L3MBTL2: variants seen among roughly 807,000 people sequenced by gnomAD.
L3MBTL2 encodes L3MBTL histone methyl-lysine binding protein 2, also known as lethal(3)malignant brain tumor-like protein 2.
Under a neutral mutation model 86.4 loss-of-function variants are expected in L3MBTL2, and 49 were observed. That is an observed-to-expected ratio of 0.57 (90% CI 0.45 to 0.72). The LOEUF (loss-of-function observed/expected upper bound fraction) is 0.72, where lower values mean the gene tolerates loss of function less well. Among genes scored for constraint, L3MBTL2 ranks in the 30% least tolerant of loss-of-function variants. The pLI, the probability that L3MBTL2 is intolerant of heterozygous loss-of-function variation, is 0.00. For missense variants in L3MBTL2, 755 were observed against 923.7 expected (o/e 0.82, Z 2.37); for synonymous variants, 336 against 350.6 (o/e 0.96, Z 0.47).
Position 41,227,105 on chromosome 22 carries a change from G to A in L3MBTL2, c.1604G>A (p.Gly535Asp). 1 of 1,612,794 alleles carries A rather than the reference G, an allele frequency of 6.2e-7. No homozygotes were observed. The highest frequency in any genetic ancestry group is 1.7e-5 in the Admixed American group (1 of 59,952). Reference protein sequence around the residue: ...RLFNMDCPNHGFKVGMKLEAV... With the variant: ...RLFNMDCPNHDFKVGMKLEAV... ...CTGCCCCAGGATTGCCCAAACCATG[G>A]CTTCAAGGTGGGCATGAAGCTGGAG... Residue 535 changes from glycine (G) to aspartate (D), a missense_variant, in exon 14 of 17, where the codon GGC becomes GAC. Coordinates refer to ENST00000216237, the MANE Select transcript of L3MBTL2 (RefSeq NM_031488.5). This position sits in a 1 kb window ranked among gnomAD's most constrained non-coding sequence, Gnocchi z 6.0.
At chr22:41,211,701 C>CAT (rs2030838480) in intron 2 of L3MBTL2, among the ~76,000 whole-genome samples, 1 of 148,096 alleles carries the variant, frequency 6.8e-6, no homozygotes, top group African/African-American at 2.5e-5. Context: ...GGACTACAGG[C>CAT]GCCTGCCACC....
In L3MBTL2 at chr22:41,230,655, C is replaced by T. The variant is rs1279171160; in HGVS notation, c.*404C>T. ...AGACAGTGAACTCTGTCTGCCTGAA[C>T]GAGCCATGTAAATTAAGTTCTAGAG... On this transcript the variant is annotated 3_prime_UTR_variant, in exon 17 of 17. Transcript: ENST00000216237. 9 of 199,164 alleles carry T rather than the reference C, an allele frequency of 4.5e-5. No homozygotes were observed. The highest frequency in any genetic ancestry group is 1.0e-4 in the South Asian group (1 of 9,658). 12.3% of individuals were successfully genotyped at this position (199,164 alleles called of 1,614,324 possible).
chr22:41,213,349 G>A (rs2031063526), intron 2 of L3MBTL2, among the ~76,000 whole-genome samples: 1 of 151,938 alleles, frequency 6.6e-6, no homozygotes, highest in South Asian at 2.1e-4. Flanking sequence ...TTTTGAGACA[G>A]TGTCTTACTT....
chr22:41,209,715 C>T lies in L3MBTL2; in HGVS notation c.44C>T (p.Pro15Leu). Residue 15 changes from proline (P) to leucine (L), a missense_variant, in exon 2 of 17, where the codon CCA (proline) becomes CTA (leucine). By Grantham distance (98) the Pro-to-Leu change is moderately conservative (BLOSUM62 -3). Around this residue, in one of 3 missense-constraint regions of L3MBTL2, gnomAD observed 103 missense variants for 105.2 expected, o/e 0.98. Transcript: ENST00000216237. ...CATTAGGAGACCCCATCTTCAGAAC[C>T]AATGGAGGAAGAGGAAGATGACGAC... Reference protein sequence around the residue: ...RSIEETPSSEPMEEEEDDDLE... With the variant: ...RSIEETPSSELMEEEEDDDLE... The T allele has an allele frequency of 1.2e-6, 2 of 1,614,052 alleles. No homozygotes were observed. Among genetic ancestry groups the T allele is most frequent in the Non-Finnish European group, 8.5e-7 (1 of 1,179,980 alleles).
chr22:41,205,829 G>A (rs1472876527), intron 1 of L3MBTL2, among the ~76,000 whole-genome samples: 1 of 152,028 alleles, frequency 6.6e-6, no homozygotes, highest in Non-Finnish European at 1.5e-5. Context: ...TTATTCTTTC[G>A]TCTTTGTCGT....
intron 1 of L3MBTL2, among the ~76,000 whole-genome samples, chr22:41,205,670 C>G (rs546050915): frequency 9.2e-5 from 14 of 152,174 alleles, no homozygotes; most frequent in African/African-American, 3.4e-4. Flanking sequence ...TCTTCCTTAT[C>G]CTGCTTGTCT....
chr22:41,214,872 G>A (rs548529572), intron 3 of L3MBTL2, among the ~76,000 whole-genome samples: 1 of 152,278 alleles, frequency 6.6e-6, no homozygotes, highest in African/African-American at 2.4e-5. Flanking sequence ...TTAGCCAGGC[G>A]TGGTGTTGTA....
chr22:41,208,707 G>C (rs1331574234), intron 1 of L3MBTL2, among the ~76,000 whole-genome samples: 1 of 152,132 alleles, frequency 6.6e-6, no homozygotes, highest in Non-Finnish European at 1.5e-5. Context: ...AATTGTTTCT[G>C]AGTTGAGATC....
rs764069679 is a variant in L3MBTL2 at position 41,205,396 on chromosome 22, C to G, written c.24+10C>G. 4.3e-6 allele frequency: 7 copies of G among 1,614,114 alleles called. No individual in the cohort carries two copies. In the South Asian group the frequency reaches 4.4e-5, roughly 10 times the overall value. ...GCCCCGGAGTATTGAGGTGAGAAGG[C>G]GAGGACTTAGCGTGACTGGGAAAGG... On this transcript the variant is annotated intron_variant, in intron 1 of 16. Transcript: ENST00000216237.
chr22:41,213,544 G>T, intron 2 of L3MBTL2: 1 of 156,040 alleles, frequency 6.4e-6, no homozygotes, highest in East Asian at 1.8e-4. Context: ...CTCCCTCCTT[G>T]GCCTCCCAAA....
intron 8 of L3MBTL2, 106 bp from the exon 9 acceptor site, chr22:41,223,914 T>C (rs1263059398): frequency 1.2e-6 from 1 of 858,750 alleles, no homozygotes; most frequent in South Asian, 1.6e-5. Context: ...ACTGACTGAG[T>C]GTGGGGGATA....
intron 6 of L3MBTL2, among the ~76,000 whole-genome samples, chr22:41,220,512 C>A (rs139470): frequency 2.0e-5 from 3 of 151,750 alleles, no homozygotes; most frequent in Non-Finnish European, 2.9e-5. Context: ...ACGGTGAAAC[C>A]CCGTCTCTAT....
chr22:41,206,404 C>T (rs572889916), intron 1 of L3MBTL2, among the ~76,000 whole-genome samples: 5 of 152,120 alleles, frequency 3.3e-5, no homozygotes, highest in Non-Finnish European at 7.3e-5. Context: ...GCACTGCAGC[C>T]TCTAACTCTT....
rs757937483 is a variant in L3MBTL2 at position 41,229,660 on chromosome 22, A to G, written c.2005+4A>G. The G allele has an allele frequency of 6.2e-7, 1 of 1,613,332 alleles. No homozygotes were observed. Among genetic ancestry groups the G allele is most frequent in the Non-Finnish European group, 8.5e-7 (1 of 1,180,022 alleles). ...TCGGAGCCTGTTCCTGGCGAGAGTAAGAGCCACCGGGCTGGGTCAAGGCAG... is the reference window on the plus strand; with the variant it reads ...TCGGAGCCTGTTCCTGGCGAGAGTAGGAGCCACCGGGCTGGGTCAAGGCAG... On this transcript the variant is annotated splice_donor_region_variant and intron_variant, in intron 16 of 16. Coordinates refer to ENST00000216237, the MANE Select transcript of L3MBTL2 (RefSeq NM_031488.5).
intron 6 of L3MBTL2, among the ~76,000 whole-genome samples, chr22:41,220,096 C>G (rs2031700605): frequency 6.6e-6 from 1 of 152,174 alleles, no homozygotes; most frequent in Non-Finnish European, 1.5e-5. Context: ...CACCTCTAAT[C>G]CCAGCACTTT....
intron 15 of L3MBTL2, chr22:41,228,626 G>T (rs997371294): frequency 2.0e-6 from 1 of 505,172 alleles, no homozygotes; most frequent in African/African-American, 2.1e-5. Flanking sequence ...CGAGGTGGGC[G>T]GATCATGAGG....
intron 2 of L3MBTL2, among the ~76,000 whole-genome samples, chr22:41,211,285 C>T (rs1188409388): frequency 2.0e-5 from 3 of 152,082 alleles, no homozygotes; most frequent in Non-Finnish European, 2.9e-5. Context: ...ACTGCAGCCT[C>T]GACCTCCTGG....
chr22:41,213,325 A>AT (rs1471730272), intron 2 of L3MBTL2, among the ~76,000 whole-genome samples: 3 of 151,886 alleles, frequency 2.0e-5, no homozygotes, highest in African/African-American at 7.3e-5. Flanking sequence ...CTTCCTATAA[A>AT]TTTTTTCGCT....
Position 41,230,230 on chromosome 22 carries a change from C to G in L3MBTL2, c.2097C>G (p.Ile699Met), listed in dbSNP as rs764729960. The G allele has an allele frequency of 3.1e-6, 5 of 1,610,270 alleles. No individual in the cohort carries two copies. Among genetic ancestry groups the G allele is most frequent in the Non-Finnish European group, 4.2e-6 (5 of 1,177,698 alleles). The change falls in exon 17 of 17, where the codon ATC (isoleucine) becomes ATG (methionine). Residue 699 changes from isoleucine (I) to methionine (M), a missense_variant. Physicochemically the swap from Ile to Met is conservative, Grantham distance 10. This residue lies in a region of L3MBTL2 where 634 missense variants were observed against 748.9 expected (regional missense o/e 0.85). Transcript: ENST00000216237. ...SPELPVSVEN[I>M]KQETDD ...AGCTGCCTGTCTCCGTCGAGAACAT[C>G]AAGCAGGAAACAGACGACTGAGCCT...
Sources: gnomAD v4.1 joint callset for allele counts (sites outside exome capture counted in the v4.1 genomes callset) on GRCh38, gnomAD v4.1.1 for gene constraint, gnomAD v4.1.1 regional missense constraint, Gnocchi (gnomAD v3.1) non-coding constraint, MANE v1.5 for transcripts, NCBI Gene and HGNC (gene_info 2026-07-23, HGNC 2026-07-21) for gene names.